SOX6: variants seen among roughly 807,000 people sequenced by gnomAD.
SOX6 encodes the protein transcription factor SOX-6.
SOX6 carries 11 observed loss-of-function variants against 97.8 expected under a neutral mutation model. That is an observed-to-expected ratio of 0.11 (90% confidence interval 0.07 to 0.19). The LOEUF is 0.19. SOX6 is among the 10% of genes least tolerant of loss of function. The pLI, the probability that SOX6 is intolerant of heterozygous loss-of-function variation, is 1.00. For missense variants in SOX6, 810 were observed against 1,039.5 expected (o/e 0.78, Z 3.04); for synonymous variants, 360 against 371.4 (o/e 0.97, Z 0.35).
intron 13 of SOX6, among the ~76,000 whole-genome samples, chr11:16,000,024 A>G (rs1854356268): frequency 6.6e-6 from 1 of 152,196 alleles, no homozygotes; most frequent in Admixed American, 6.5e-5. Flanking sequence ...ATCCTACCAA[A>G]TTTATCTTAA....
intron 3 of SOX6, chr11:16,312,881 A>C (rs541597613): frequency 1.5e-4 from 23 of 152,258 alleles, no homozygotes; most frequent in African/African-American, 5.3e-4. Flanking sequence ...TCTTAACCTG[A>C]ATCTATTAAT....
chr11:16,171,448 C>T (rs901610831), intron 6 of SOX6, among the ~76,000 whole-genome samples: 21 of 151,898 alleles, frequency 1.4e-4, no homozygotes, highest in Admixed American at 7.2e-4. Flanking sequence ...GAACGGTACA[C>T]GTGTCTGGTT....
At chr11:15,973,563 T>A (rs917597856) in intron 15 of SOX6, among the ~76,000 whole-genome samples, 1 of 152,202 alleles carries the variant, frequency 6.6e-6, no homozygotes, top group Non-Finnish European at 1.5e-5. Flanking sequence ...GAGAAATGTA[T>A]AAATCAAGAT....
chr11:16,584,718 C>G, intron 4 of SOX6, among the ~76,000 whole-genome samples: 1 of 152,182 alleles, frequency 6.6e-6, no homozygotes, highest in East Asian at 1.9e-4. Flanking sequence ...TAAGCACCTC[C>G]TGAGACACTG....
At chr11:16,184,578 C>G (rs1014525482) in intron 5 of SOX6, among the ~76,000 whole-genome samples, 4 of 152,110 alleles carry the variant, frequency 2.6e-5, no homozygotes, top group African/African-American at 9.7e-5. Context: ...GTGTTTATTT[C>G]ATAGTACAGG....
intron 4 of SOX6, among the ~76,000 whole-genome samples, chr11:16,581,095 G>A (rs1433407693): frequency 2.0e-5 from 3 of 151,258 alleles, no homozygotes; most frequent in South Asian, 2.1e-4. Flanking sequence ...CCCATTACTG[G>A]GTATATAACC....
At chr11:16,060,172 T>TA (rs917918105) in intron 9 of SOX6, among the ~76,000 whole-genome samples, 1 of 150,874 alleles carries the variant, frequency 6.6e-6, no homozygotes, top group South Asian at 2.1e-4. Flanking sequence ...TATTTTTTTT[T>TA]AAAAAAGTTG....
chr11:16,526,443 T>C (rs1590233828), intron 4 of SOX6, among the ~76,000 whole-genome samples: 1 of 147,186 alleles, frequency 6.8e-6, no homozygotes, highest in African/African-American at 2.6e-5. Context: ...TGAGAACACA[T>C]GGACACAGGA....
chr11:16,708,357 T>C (rs180953908), intron 3 of SOX6, among the ~76,000 whole-genome samples: 20 of 152,342 alleles, frequency 1.3e-4, no homozygotes, highest in Admixed American at 2.6e-4. Flanking sequence ...CTCTGATGCA[T>C]CCACATTCTT....
At chr11:16,401,692 T>C (rs1858562793) in intron 1 of SOX6, among the ~76,000 whole-genome samples, 1 of 151,526 alleles carries the variant, frequency 6.6e-6, no homozygotes, top group Admixed American at 6.6e-5. Context: ...ATTATATTAC[T>C]TTAAGTCTAT....
intron 4 of SOX6, among the ~76,000 whole-genome samples, chr11:16,494,671 A>C (rs1325003770): frequency 1.3e-5 from 2 of 152,150 alleles, no homozygotes; most frequent in Non-Finnish European, 2.9e-5. Context: ...AGTAATAGGA[A>C]ATACCTAAGG....
At position 16,593,166 on chromosome 11, in the gene SOX6, T is replaced by C. The variant is rs1848173675; in HGVS notation, n.609+18915A>G. 2.0e-5 allele frequency among the ~76,000 whole-genome samples: 3 copies of C among 151,756 alleles called. No homozygotes were observed. The South Asian group carries it at 6.3e-4, about 32-fold the overall frequency. On this transcript the variant is annotated intron_variant and non_coding_transcript_variant, in intron 4 of 5. Coordinates refer to the SOX6 transcript ENST00000524520. ...AAAAAATCATTTGAACACACAGAAATGAAAAATATAATAAAATTAAAACTT... is the reference window on the plus strand; with the variant it reads ...AAAAAATCATTTGAACACACAGAAACGAAAAATATAATAAAATTAAAACTT...
chr11:15,987,040 G>T (rs1435850311), intron 14 of SOX6, among the ~76,000 whole-genome samples: 1 of 152,176 alleles, frequency 6.6e-6, no homozygotes, highest in African/African-American at 2.4e-5. Flanking sequence ...CTCATTCAAA[G>T]CTGTACCAAT....
intron 12 of SOX6, among the ~76,000 whole-genome samples, chr11:16,036,164 C>T (rs1855514348): frequency 6.6e-6 from 1 of 151,106 alleles, no homozygotes; most frequent in South Asian, 2.1e-4. Context: ...ACCGCAACCT[C>T]TGCCTCCTAG....
chr11:16,401,361 G>A (rs1000030490), intron 1 of SOX6, among the ~76,000 whole-genome samples: 2 of 151,318 alleles, frequency 1.3e-5, no homozygotes, highest in Non-Finnish European at 3.0e-5. Context: ...TATTTAAAAT[G>A]GAGCGTTAAT....
intron 1 of SOX6, among the ~76,000 whole-genome samples, chr11:16,342,052 G>T (rs920102369): frequency 6.6e-6 from 1 of 151,992 alleles, no homozygotes; most frequent in Non-Finnish European, 1.5e-5. Flanking sequence ...ATAGTAAAAT[G>T]CCTACTGTGC....
intron 1 of SOX6, among the ~76,000 whole-genome samples, chr11:16,365,311 G>T (rs1296978824): frequency 1.5e-5 from 2 of 135,082 alleles, no homozygotes; most frequent in African/African-American, 2.7e-5. Flanking sequence ...GTGTGTTTGT[G>T]TGTGTGCATG....
At chr11:16,670,803 A>G (rs1330487605) in intron 3 of SOX6, among the ~76,000 whole-genome samples, 3 of 151,714 alleles carry the variant, frequency 2.0e-5, no homozygotes, top group African/African-American at 7.2e-5. Flanking sequence ...GGGAAGAAAC[A>G]TAAGCCCTGA....
intron 4 of SOX6, among the ~76,000 whole-genome samples, chr11:16,532,366 T>A (rs1214205838): frequency 6.6e-6 from 1 of 151,902 alleles, no homozygotes; most frequent in Non-Finnish European, 1.5e-5. Flanking sequence ...TGGCTTATAG[T>A]CCTATGACTT....
Sources: gnomAD v4.1 joint callset for allele counts (sites outside exome capture counted in the v4.1 genomes callset) on GRCh38, gnomAD v4.1.1 for gene constraint, MANE v1.5 for transcripts, NCBI Gene and HGNC (gene_info 2026-07-23, HGNC 2026-07-21) for gene names.